The following UBE2V1 variants were observed in gnomAD, a reference collection of about 807,000 sequenced individuals.
The protein encoded by UBE2V1 is ubiquitin-conjugating enzyme E2 variant 1.
In UBE2V1, 15 loss-of-function variants were observed where a neutral mutation model predicts 19.6. The ratio of observed to expected loss-of-function variants is 0.77; its 90% CI spans 0.51 to 1.18. The LOEUF (loss-of-function observed/expected upper bound fraction) is 1.18, where lower values mean the gene tolerates loss of function less well. Ranked by LOEUF, UBE2V1 falls within the 50% of genes most tolerant of loss-of-function variation. The probability of loss-of-function intolerance (pLI) is 0.00; values close to 1 mark genes in which losing one functional copy is unlikely to be tolerated. For missense variants in UBE2V1, 125 were observed against 184.8 expected (o/e 0.68, Z 1.88); for synonymous variants, 60 against 60.7 (o/e 0.99, Z 0.05).
At chr20:50,102,420 T>C (rs899106861) in intron 1 of UBE2V1, among the ~76,000 whole-genome samples, 2 of 152,232 alleles carry the variant, frequency 1.3e-5, no homozygotes, top group Non-Finnish European at 2.9e-5. Flanking sequence ...TGCATGTTCA[T>C]TGTACTCTCA....
Position 50,096,458 on chromosome 20 carries a change from TG to T in UBE2V1, c.171+213del. On this transcript the variant is annotated intron_variant, in intron 2 of 3. Coordinates refer to ENST00000371674, the MANE Select transcript of UBE2V1 (RefSeq NM_001032288.3). ...TACATTGTCATATAAATTCACACTATGAGTCTAAACAGGTTTTTGCTTACCA... is the reference window on the plus strand; with the variant it reads ...TACATTGTCATATAAATTCACACTATAGTCTAAACAGGTTTTTGCTTACCA... The T allele has an allele frequency of 1.6e-6, 2 of 1,229,522 alleles. 1 individual carries two copies. Among genetic ancestry groups the T allele is most frequent in the Middle Eastern group, 3.9e-4 (2 of 5,112 alleles). 76.2% of individuals were successfully genotyped at this position (1,229,522 alleles called of 1,614,324 possible). A position where few individuals can be genotyped will look rare whatever the true frequency, so the allele number is the denominator to read the frequency against.
intron 2 of UBE2V1, among the ~76,000 whole-genome samples, chr20:50,089,014 T>G (rs1465299709): frequency 6.6e-6 from 1 of 151,438 alleles, no homozygotes; most frequent in African/African-American, 2.4e-5. Context: ...GGGAGAAGAG[T>G]GGGGATATGG....
intron 1 of UBE2V1, among the ~76,000 whole-genome samples, chr20:50,105,581 AT>A (rs1489447523): frequency 6.6e-6 from 1 of 152,222 alleles, no homozygotes; most frequent in African/African-American, 2.4e-5. Flanking sequence ...GATTCCCAAT[AT>A]TTCTGTGTGA....
At chr20:50,085,484 G>C (rs2078861476) in intron 2 of UBE2V1, among the ~76,000 whole-genome samples, 1 of 152,064 alleles carries the variant, frequency 6.6e-6, no homozygotes, top group South Asian at 2.1e-4. Context: ...TCCCAGTAAA[G>C]AGTAACCCCC....
At chr20:50,094,022 T>TAAC (rs2079421277) in intron 2 of UBE2V1, among the ~76,000 whole-genome samples, 1 of 108,556 alleles carries the variant, frequency 9.2e-6, no homozygotes, top group African/African-American at 3.8e-5. Context: ...ATAATAATAA[T>TAAC]AATAATAATA....
chr20:50,096,480 TACCA>T, intron 2 of UBE2V1, 188 bp downstream of exon 2: 1 of 1,455,174 alleles, frequency 6.9e-7, no homozygotes, highest in Non-Finnish European at 9.2e-7. Context: ...GGTTTTTGCT[TACCA>T]TTTAGAGGGG....
intron 3 of UBE2V1, 128 bp downstream of exon 3, chr20:50,083,999 GCA>G: frequency 4.9e-6 from 7 of 1,421,584 alleles, no homozygotes; most frequent in Non-Finnish European, 6.6e-6. Flanking sequence ...GTGCTCCTAT[GCA>G]CAGTGATACA....
chr20:50,106,123 T>A (rs1404047287), intron 1 of UBE2V1, among the ~76,000 whole-genome samples: 3 of 152,192 alleles, frequency 2.0e-5, no homozygotes, highest in Non-Finnish European at 4.4e-5. Flanking sequence ...AAAAAAAACT[T>A]CATCAAGGTG....
At chr20:50,110,230 G>A (rs2147210695) in intron 1 of UBE2V1, among the ~76,000 whole-genome samples, 1 of 152,356 alleles carries the variant, frequency 6.6e-6, no homozygotes, top group Admixed American at 6.5e-5. Context: ...CCTGGCCAAG[G>A]CAGGAGGAAG....
At chr20:50,087,490 C>G (rs1257034537) in intron 2 of UBE2V1, among the ~76,000 whole-genome samples, 1 of 151,832 alleles carries the variant, frequency 6.6e-6, no homozygotes, top group African/African-American at 2.4e-5. Flanking sequence ...CTCCAGGGAC[C>G]TGCTAAAAAG....
upstream of UBE2V1, among the ~76,000 whole-genome samples, chr20:50,113,823 AAAC>A (rs1406904904): frequency 6.6e-6 from 1 of 152,162 alleles, no homozygotes; most frequent in Admixed American, 6.5e-5. Context: ...CCAAACAAAC[AAAC>A]ATTAAGCACC....
intron 1 of UBE2V1, among the ~76,000 whole-genome samples, chr20:50,101,868 A>T (rs2080022723): frequency 6.6e-6 from 1 of 152,232 alleles, no homozygotes. Flanking sequence ...TCAAAGCACG[A>T]GAAACAGAAC....
intron 2 of UBE2V1, chr20:50,084,634 C>T: frequency 2.2e-6 from 1 of 444,694 alleles, no homozygotes; most frequent in Admixed American, 2.5e-5. Flanking sequence ...ATCAGCCAAT[C>T]AGTTAAATAA....
chr20:50,107,385 C>T (rs952717134), intron 1 of UBE2V1, among the ~76,000 whole-genome samples: 1 of 152,190 alleles, frequency 6.6e-6, no homozygotes, highest in Non-Finnish European at 1.5e-5. Context: ...TCATTCTTTA[C>T]AGTCCAGCCA....
At chr20:50,113,157 C>T, upstream of UBE2V1, 1 of 1,317,334 alleles carries the variant, frequency 7.6e-7, no homozygotes, top group Non-Finnish European at 9.8e-7. Flanking sequence ...GAAGGCCGGC[C>T]CCTTCTTCAC....
At position 50,082,934 on chromosome 20, in the gene UBE2V1, A is replaced by C; in HGVS notation, c.298-20T>G. On this transcript the variant is annotated intron_variant, in intron 3 of 3. Transcript: ENST00000371674. ...GTCCACCTACAACAAGGCAAACAAA[A>C]GCAAATTACTCTCAGACTCTCAAAC... is the stretch of plus-strand genomic sequence containing the variant. 7 of 1,600,380 alleles carry C rather than the reference A, an allele frequency of 4.4e-6. No homozygotes were observed. The highest frequency in any genetic ancestry group is 5.9e-6 in the Non-Finnish European group (7 of 1,178,628).
chr20:50,096,594 T>C lies in UBE2V1; in HGVS notation c.171+78A>G. 2.5e-6 allele frequency: 4 copies of C among 1,607,550 alleles called. 1 individual carries two copies. The South Asian group carries it at 4.5e-5, about 18-fold the overall frequency. ...ATACCATTGGTGAGCTTTTTTTCCG[T>C]GATAAGGCTAATATTTTTTAAAAGG... is the stretch of plus-strand genomic sequence containing the variant. On this transcript the variant is annotated intron_variant, in intron 2 of 3. Coordinates refer to ENST00000371674, the MANE Select transcript of UBE2V1 (RefSeq NM_001032288.3).
intron 1 of UBE2V1, among the ~76,000 whole-genome samples, chr20:50,103,128 TGA>T (rs1162553269): frequency 4.6e-5 from 7 of 152,236 alleles, no homozygotes; most frequent in African/African-American, 1.7e-4. Flanking sequence ...ATAAGCTCCA[TGA>T]GAGTAAAACT....
intron 1 of UBE2V1, among the ~76,000 whole-genome samples, chr20:50,102,263 A>T (rs753647927): frequency 1.3e-5 from 2 of 152,220 alleles, no homozygotes; most frequent in Non-Finnish European, 2.9e-5. Context: ...AAAAAACAAC[A>T]ACAACAAAAA....
Sources: gnomAD v4.1 joint callset for allele counts (sites outside exome capture counted in the v4.1 genomes callset) on GRCh38, gnomAD v4.1.1 for gene constraint, MANE v1.5 for transcripts, NCBI Gene and HGNC (gene_info 2026-07-23, HGNC 2026-07-21) for gene names.